The following NAALADL2 variants were observed in gnomAD, a reference collection of about 807,000 sequenced individuals.
NAALADL2 encodes inactive N-acetylated-alpha-linked acidic dipeptidase-like protein 2.
NAALADL2 carries 76 observed loss-of-function variants against 87.2 expected under a neutral mutation model. The ratio of observed to expected loss-of-function variants is 0.87; its 90% CI spans 0.72 to 1.05. NAALADL2 has a LOEUF of 1.05. NAALADL2 is among the 50% of genes least tolerant of loss of function. The probability of loss-of-function intolerance (pLI) is 0.00; values close to 1 mark genes in which losing one functional copy is unlikely to be tolerated. For synonymous variants in NAALADL2, 354 were observed against 331.0 expected, an observed-to-expected ratio of 1.07 and a Z score of -0.75; for missense variants, 1,089 against 945.8, an observed-to-expected ratio of 1.15 and a Z score of -1.99.
intron 2 of NAALADL2, among the ~76,000 whole-genome samples, chr3:174,687,588 G>T (rs28675987): frequency 6.6e-6 from 1 of 151,954 alleles, no homozygotes; most frequent in South Asian, 2.1e-4. Context: ...GTGAGAAGGG[G>T]GCAAAAATAA....
intron 2 of NAALADL2, among the ~76,000 whole-genome samples, chr3:175,146,436 G>C (rs141260827): frequency 2.6e-3 from 402 of 152,210 alleles, no homozygotes; most frequent in African/African-American, 9.4e-3. Context: ...GTTTTCCCCT[G>C]TCTGCCCTCT....
chr3:175,562,854 A>G (rs148350686), intron 9 of NAALADL2, among the ~76,000 whole-genome samples: 2,171 of 152,150 alleles, frequency 0.014, 26 homozygotes, highest in Non-Finnish European at 0.023. Context: ...TATTGGAAAG[A>G]TTTGACTTTC....
At chr3:174,861,152 C>A (rs888544920) in intron 1 of NAALADL2, among the ~76,000 whole-genome samples, 4 of 151,956 alleles carry the variant, frequency 2.6e-5, no homozygotes, top group Non-Finnish European at 5.9e-5. Flanking sequence ...CTCTTCTGAT[C>A]TTATTCATGT....
intron 2 of NAALADL2, among the ~76,000 whole-genome samples, chr3:174,673,829 G>A (rs187421401): frequency 4.3e-4 from 66 of 152,070 alleles, no homozygotes; most frequent in African/African-American, 1.5e-3. Context: ...ACAAAGAAAT[G>A]ATAAATCCTC....
intron 2 of NAALADL2, among the ~76,000 whole-genome samples, chr3:174,616,417 G>GA (rs1720464660): frequency 6.6e-6 from 1 of 151,818 alleles, no homozygotes; most frequent in African/African-American, 2.4e-5. Flanking sequence ...GTACTTTTTT[G>GA]ATACAGGCTC....
intron 1 of NAALADL2, among the ~76,000 whole-genome samples, chr3:174,461,437 A>G (rs372375739): frequency 6.6e-5 from 10 of 150,488 alleles, no homozygotes; most frequent in African/African-American, 2.4e-4. Context: ...TGTGGGTAAG[A>G]CTGTGGAACA....
intron 3 of NAALADL2, among the ~76,000 whole-genome samples, chr3:174,852,284 C>T (rs1470612622): frequency 6.6e-6 from 1 of 152,008 alleles, no homozygotes; most frequent in African/African-American, 2.4e-5. Context: ...AAATATCCTT[C>T]CTTGCAGATG....
Position 174,824,560 on chromosome 3 carries a change from T to A in NAALADL2, c.-9+86814T>A, listed in dbSNP as rs544783432. On this transcript the variant is annotated intron_variant, in intron 3 of 3. Coordinates refer to the NAALADL2 transcript ENST00000434257. ...CTACCTATAGGTATTTACAAGATTTTATATATCATGCATCCACATAAGTGA... is the reference window on the plus strand; with the variant it reads ...CTACCTATAGGTATTTACAAGATTTAATATATCATGCATCCACATAAGTGA... Among the ~76,000 whole-genome samples, 15 of 152,370 alleles carry A rather than the reference T, an allele frequency of 9.8e-5. No homozygotes were observed. The South Asian group carries it at 2.9e-3, about 29-fold the overall frequency.
At chr3:175,199,840 ATATATATATATATATATATATATATTTTT>A (rs1416815219) in intron 2 of NAALADL2, among the ~76,000 whole-genome samples, 4 of 14,608 alleles carry the variant, frequency 2.7e-4, no homozygotes, top group African/African-American at 5.6e-4. Flanking sequence ...ATATATATAT[ATATATATATATATATATATATATATTTTT>A]TTTTTTTTTT....
intron 1 of NAALADL2, among the ~76,000 whole-genome samples, chr3:174,917,347 C>T (rs924061404): frequency 6.6e-6 from 1 of 152,230 alleles, no homozygotes; most frequent in Admixed American, 6.5e-5. Flanking sequence ...ATGCATTATA[C>T]ATTTTATGGC....
At chr3:174,946,022 C>T (rs111667390) in intron 1 of NAALADL2, among the ~76,000 whole-genome samples, 5,612 of 123,360 alleles carry the variant, frequency 0.045, 371 homozygotes, top group African/African-American at 0.16. Flanking sequence ...CTCCAGCCTG[C>T]GCAACAGTGA....
intron 11 of NAALADL2, among the ~76,000 whole-genome samples, chr3:175,697,182 T>C (rs1186592963): frequency 1.3e-5 from 2 of 152,046 alleles, no homozygotes; most frequent in African/African-American, 2.4e-5. Flanking sequence ...AAATTTAAAC[T>C]GGTCTCTAGA....
intron 5 of NAALADL2, among the ~76,000 whole-genome samples, chr3:175,339,282 TG>T (rs1441935786): frequency 6.6e-6 from 1 of 152,230 alleles, no homozygotes; most frequent in Non-Finnish European, 1.5e-5. Context: ...TCTTCTAGCT[TG>T]GAATTGTTAG....
intron 1 of NAALADL2, among the ~76,000 whole-genome samples, chr3:174,895,999 A>G (rs772624636): frequency 2.6e-5 from 4 of 152,128 alleles, no homozygotes; most frequent in African/African-American, 4.8e-5. Flanking sequence ...TCGTTACATG[A>G]TAAAAAAAAA....
At chr3:175,142,166 G>A (rs975826920) in intron 2 of NAALADL2, among the ~76,000 whole-genome samples, 1 of 151,952 alleles carries the variant, frequency 6.6e-6, no homozygotes, top group African/African-American at 2.4e-5. Flanking sequence ...AGTTTAGTAC[G>A]ATTCTTGTCC....
In NAALADL2 at chr3:175,539,123, A is replaced by C. The variant is rs147412607; in HGVS notation, c.1654-36918A>C. 5.2e-3 allele frequency among the ~76,000 whole-genome samples: 786 copies of C among 152,284 alleles called. 7 individuals carry two copies. Among genetic ancestry groups the C allele is most frequent in the Non-Finnish European group, 8.1e-3 (554 of 68,026 alleles). ...GGAGAGATCCCTAAGTGGGAACCTC[A>C]AGGGACCTCGGGAACATGTTCTGTT... On this transcript the variant is annotated intron_variant, in intron 9 of 13. Transcript: ENST00000454872.
intron 12 of NAALADL2, among the ~76,000 whole-genome samples, chr3:175,741,524 G>T (rs1419586144): frequency 1.3e-5 from 2 of 151,990 alleles, no homozygotes; most frequent in African/African-American, 4.8e-5. Flanking sequence ...CAGTAGATGG[G>T]TAAATTTGCT....
chr3:175,533,455 G>C lies in NAALADL2; in HGVS notation c.1654-42586G>C, dbSNP rs1317031716. Among the ~76,000 whole-genome samples the C allele has an allele frequency of 2.0e-5, 3 of 152,266 alleles. No individual in the cohort carries two copies. In the East Asian group the frequency reaches 5.8e-4, roughly 30 times the overall value. On this transcript the variant is annotated intron_variant, in intron 9 of 13. Coordinates refer to ENST00000454872, the MANE Select transcript of NAALADL2 (RefSeq NM_207015.3). ...GGGGAGGCCATCACTGTTGCCTCAG[G>C]CAGCACAGAGTTTGATCTCCTCAGA...
intron 2 of NAALADL2, among the ~76,000 whole-genome samples, chr3:175,104,913 G>A (rs1402756534): frequency 1.3e-5 from 2 of 151,994 alleles, no homozygotes; most frequent in South Asian, 4.1e-4. Context: ...TCCTTAACTC[G>A]GAGTTTCTCA....
Sources: allele counts gnomAD v4.1 joint callset (sites outside exome capture counted in the v4.1 genomes callset), GRCh38; gene constraint gnomAD v4.1.1; transcripts MANE v1.5; gene names NCBI Gene and HGNC (gene_info 2026-07-23, HGNC 2026-07-21).